RORA: variants seen among roughly 807,000 people sequenced by gnomAD.
RORA encodes RAR related orphan receptor A.
Under a neutral mutation model 69.5 loss-of-function variants are expected in RORA, and 7 were observed. That is an observed-to-expected ratio of 0.10 (90% CI 0.06 to 0.19). The LOEUF is 0.19. Among genes scored for constraint, RORA ranks in the 10% least tolerant of loss-of-function variants. The probability of loss-of-function intolerance (pLI) is 1.00; values close to 1 mark genes in which losing one functional copy is unlikely to be tolerated. For synonymous variants in RORA, 261 were observed against 240.8 expected, an observed-to-expected ratio of 1.08 and a Z score of -0.78; for missense variants, 457 against 663.0, an observed-to-expected ratio of 0.69 and a Z score of 3.41.
intron 2 of RORA, among the ~76,000 whole-genome samples, chr15:60,579,888 A>G (rs996557443): frequency 5.9e-5 from 9 of 152,226 alleles, no homozygotes; most frequent in African/African-American, 2.2e-4. Flanking sequence ...TCAGCTCAGT[A>G]TAGCATCAAT....
At chr15:60,882,032 C>T (rs1464277702) in intron 1 of RORA, among the ~76,000 whole-genome samples, 3 of 152,312 alleles carry the variant, frequency 2.0e-5, no homozygotes, top group African/African-American at 7.2e-5. Context: ...GCACGTGTTG[C>T]GGAACTGTCC....
chr15:60,883,154 A>AGG (rs763665779), intron 1 of RORA, among the ~76,000 whole-genome samples: 3 of 94,040 alleles, frequency 3.2e-5, no homozygotes, highest in Admixed American at 1.2e-4. Context: ...AAAAAAAAGA[A>AGG]AGAGAGAGAG....
intron 1 of RORA, among the ~76,000 whole-genome samples, chr15:60,813,642 A>AGT (rs1275625035): frequency 6.6e-6 from 1 of 152,074 alleles, no homozygotes; most frequent in African/African-American, 2.4e-5. Context: ...CTGAACTTAG[A>AGT]GTCTAACTGG....
In RORA at chr15:60,529,384, A is replaced by G. The variant is rs1191474756; in HGVS notation, c.282+2382T>C. The G allele has an allele frequency of 2.6e-5, 4 of 152,362 alleles. No homozygotes were observed. The East Asian group carries it at 7.7e-4, about 29-fold the overall frequency. The allele number at this position is 152,362 out of a possible 1,614,324, so 9.4% of individuals were successfully genotyped here. On this transcript the variant is annotated intron_variant, in intron 3 of 10. Coordinates refer to ENST00000335670, the MANE Select transcript of RORA (RefSeq NM_134261.3). ...GACTTCTATTTTTATAACTAGGAAT[A>G]AAAGTGTTAGTTATAGCAGAGAGAA...
At position 60,489,521 on chromosome 15, in the gene RORA, T is replaced by C. The variant is rs577018558; in HGVS notation, c.*7934A>G. On this transcript the variant is annotated 3_prime_UTR_variant, in exon 11 of 11. Transcript: ENST00000335670. ...TCCTTAGTTAGATATTTGATAAACT[T>C]TGCTTTTCAATAATGCCAGTAGATC... 6.6e-6 allele frequency: 1 copy of C among 152,236 alleles called. No individual in the cohort carries two copies. Among genetic ancestry groups the C allele is most frequent in the Non-Finnish European group, 1.5e-5 (1 of 68,040 alleles). 9.4% of individuals were successfully genotyped at this position (152,236 alleles called of 1,614,324 possible). A position where few individuals can be genotyped will look rare whatever the true frequency, so the allele number is the denominator to read the frequency against.
chr15:61,005,035 AT>A (rs1400889615), intron 1 of RORA, among the ~76,000 whole-genome samples: 1 of 152,236 alleles, frequency 6.6e-6, no homozygotes, highest in Non-Finnish European at 1.5e-5. Flanking sequence ...TAGTGCAGCA[AT>A]TCCACTTTTA....
At chr15:60,764,538 G>C (rs2071950897) in intron 1 of RORA, among the ~76,000 whole-genome samples, 1 of 151,948 alleles carries the variant, frequency 6.6e-6, no homozygotes, top group Admixed American at 6.6e-5. Flanking sequence ...AAAGAGCATG[G>C]AATGGAAATC....
chr15:60,899,031 G>A (rs774509697), intron 1 of RORA, among the ~76,000 whole-genome samples: 1 of 152,164 alleles, frequency 6.6e-6, no homozygotes, highest in Non-Finnish European at 1.5e-5. Context: ...TTTGAGTAAG[G>A]GGTGGTCCAA....
chr15:60,597,633 C>CAT lies in RORA; in HGVS notation c.197-65784_197-65783dup, dbSNP rs1382402262. Among the ~76,000 whole-genome samples the CAT allele has an allele frequency of 2.1e-3, 50 of 24,262 alleles. 5 individuals carry two copies. The South Asian group carries it at 0.024, about 12-fold the overall frequency. The allele number at this position is 24,262 out of a possible 152,430, so 15.9% of individuals were successfully genotyped here. ...ATATATATATACATACATATATATA[C>CAT]ATATATATATATATATGTAAGCAAA... On this transcript the variant is annotated intron_variant, in intron 2 of 10. Coordinates refer to ENST00000335670, the MANE Select transcript of RORA (RefSeq NM_134261.3).
chr15:61,058,045 C>T (rs1353802631), intron 1 of RORA, among the ~76,000 whole-genome samples: 1 of 152,096 alleles, frequency 6.6e-6, no homozygotes, highest in Admixed American at 6.6e-5. Context: ...GCTCAGTCCT[C>T]GCCCCTTACA....
intron 1 of RORA, among the ~76,000 whole-genome samples, chr15:61,212,166 C>T (rs1014453008): frequency 6.6e-6 from 1 of 152,096 alleles, no homozygotes; most frequent in East Asian, 1.9e-4. Context: ...TTCTCCCACC[C>T]TTAAGGTTCT....
chr15:61,077,910 A>C (rs2140641323), intron 1 of RORA, among the ~76,000 whole-genome samples: 1 of 152,274 alleles, frequency 6.6e-6, no homozygotes, highest in South Asian at 2.1e-4. Flanking sequence ...AGCAGAGAGT[A>C]GGGTGAAGGC....
In RORA at chr15:60,757,157, G is replaced by A. The variant is rs1026643205; in HGVS notation, c.167-78471C>T. ...ATAAGTTTAGAAATGGCTGGGGAAC[G>A]CTGTTCTAGACTCTTTATATCTGCC... is the stretch of plus-strand genomic sequence containing the variant. On this transcript the variant is annotated intron_variant, in intron 1 of 10. Transcript: ENST00000335670. Among the ~76,000 whole-genome samples the A allele has an allele frequency of 6.6e-5, 10 of 152,042 alleles. No homozygotes were observed. In the South Asian group the frequency reaches 1.0e-3, roughly 16 times the overall value.
chr15:60,988,240 A>G (rs1173808374), intron 1 of RORA, among the ~76,000 whole-genome samples: 1 of 152,188 alleles, frequency 6.6e-6, no homozygotes, highest in African/African-American at 2.4e-5. Context: ...GAGGGAAGAC[A>G]CTGGGGGCAA....
At chr15:60,673,965 C>T (rs2070513383) in intron 2 of RORA, among the ~76,000 whole-genome samples, 1 of 152,178 alleles carries the variant, frequency 6.6e-6, no homozygotes, top group African/African-American at 2.4e-5. Context: ...CTTCCAGTTA[C>T]TTTGTGAGTA....
intron 1 of RORA, among the ~76,000 whole-genome samples, chr15:60,766,885 C>A (rs1259907218): frequency 6.6e-6 from 1 of 152,158 alleles, no homozygotes; most frequent in Non-Finnish European, 1.5e-5. Flanking sequence ...CATGAAGCAT[C>A]TGCCATGAGC....
At chr15:60,953,800 T>C (rs1424859529) in intron 1 of RORA, among the ~76,000 whole-genome samples, 6 of 151,364 alleles carry the variant, frequency 4.0e-5, no homozygotes, top group African/African-American at 1.5e-4. Flanking sequence ...CAACAGGTGC[T>C]GGAGAGGATG....
At chr15:60,850,770 C>T (rs114734956) in intron 1 of RORA, among the ~76,000 whole-genome samples, 2 of 152,284 alleles carry the variant, frequency 1.3e-5, no homozygotes, top group African/African-American at 2.4e-5. Flanking sequence ...TCCCAGCCCA[C>T]GTCTTCCCTG....
chr15:60,502,455 A>T (rs1443867041), intron 8 of RORA, among the ~76,000 whole-genome samples: 2 of 152,182 alleles, frequency 1.3e-5, no homozygotes, highest in Non-Finnish European at 2.9e-5. Flanking sequence ...TCATCCGAAT[A>T]ATATATCACC....
Sources: gnomAD v4.1 joint callset for allele counts (sites outside exome capture counted in the v4.1 genomes callset) on GRCh38, gnomAD v4.1.1 for gene constraint, MANE v1.5 for transcripts, NCBI Gene and HGNC (gene_info 2026-07-23, HGNC 2026-07-21) for gene names.